The following MYO19 variants were observed in gnomAD, a reference collection of about 807,000 sequenced individuals.
The protein encoded by MYO19 is myosin XIX.
MYO19 carries 132 observed loss-of-function variants against 129.2 expected under a neutral mutation model. The ratio of observed to expected loss-of-function variants is 1.02; its 90% CI spans 0.89 to 1.18. MYO19 has a LOEUF of 1.18. Ranked by LOEUF, MYO19 falls within the 50% of genes most tolerant of loss-of-function variation. The probability of loss-of-function intolerance (pLI) is 0.00; values close to 1 mark genes in which losing one functional copy is unlikely to be tolerated. For synonymous variants in MYO19, 531 were observed against 477.2 expected (o/e 1.11, Z -1.47); for missense variants, 1,210 against 1,216.7 (o/e 0.99, Z 0.08).
upstream of MYO19, chr17:36,537,662 G>C (rs558301588): frequency 3.1e-6 from 5 of 1,614,018 alleles, no homozygotes; most frequent in East Asian, 1.1e-4. Context: ...AGGTCAGGAG[G>C]AGAAAATATA....
At chr17:36,504,924 A>AAG (rs1555571415) in intron 19 of MYO19, 1 of 291,648 alleles carries the variant, frequency 3.4e-6, no homozygotes, top group Non-Finnish European at 6.9e-6. Context: ...AAAAAAAAAA[A>AAG]AAAAAAGAAA....
rs2071938085 is a variant in MYO19, at chr17:36,506,904, T to C, written c.1644+59A>G. 5 of 1,466,884 alleles carry C rather than the reference T, an allele frequency of 3.4e-6. No individual in the cohort carries two copies. In the African/African-American group the frequency reaches 4.2e-5, roughly 12 times the overall value. 90.9% of individuals were successfully genotyped at this position (1,466,884 alleles called of 1,614,324 possible). ...ACGATGGGAAACTACTATGTCTGCA[T>C]AGCAAAGACCCAGCATCTCGTTTCT... On this transcript the variant is annotated intron_variant, in intron 17 of 25. Coordinates refer to ENST00000614623, the MANE Select transcript of MYO19 (RefSeq NM_001163735.2).
At chr17:36,509,255 G>T in intron 13 of MYO19, 120 bp from the exon 14 acceptor site, 1 of 797,608 alleles carries the variant, frequency 1.3e-6, no homozygotes, top group South Asian at 1.5e-5. Flanking sequence ...GAGCCTGACA[G>T]GTCAAAGACC....
At chr17:36,513,370 T>C (rs2072502367) in intron 11 of MYO19, 59 bp downstream of exon 11, 1 of 1,613,538 alleles carries the variant, frequency 6.2e-7, no homozygotes, top group Non-Finnish European at 8.5e-7. Context: ...GGAAAAGCTC[T>C]ATGCAAAGGG....
chr17:36,521,763 T>C (rs2073141560), intron 6 of MYO19, among the ~76,000 whole-genome samples: 2 of 152,152 alleles, frequency 1.3e-5, no homozygotes, highest in African/African-American at 2.4e-5. Context: ...CCAGGCACAG[T>C]GGCTCATACC....
chr17:36,514,501 T>C lies in MYO19; in HGVS notation c.665A>G (p.Lys222Arg). 1 of 1,613,758 alleles carries C rather than the reference T, an allele frequency of 6.2e-7. No homozygotes were observed. The highest frequency in any genetic ancestry group is 8.5e-7 in the Non-Finnish European group (1 of 1,179,690). ...GGAAGCCTGGCAGGCCACTCGAGTT[T>C]TCTCTAGGAGGTAGGTCTGGACTGC... is the stretch of plus-strand genomic sequence containing the variant. Reference protein sequence around the residue: ...GAAVQTYLLEKTRVACQASSE... With the variant: ...GAAVQTYLLERTRVACQASSE... The change falls in exon 9 of 26, where the codon AAA becomes AGA. Residue 222 changes from lysine to arginine, a missense_variant. Lys to Arg is a conservative substitution (Grantham distance 26). Transcript: ENST00000614623.
chr17:36,510,814 G>T lies in MYO19; in HGVS notation c.1089C>A (p.Phe363Leu). The change falls in exon 13 of 26, where the codon TTC becomes TTA. Residue 363 changes from phenylalanine to leucine, a missense_variant. Coordinates refer to ENST00000614623, the MANE Select transcript of MYO19 (RefSeq NM_001163735.2). ...TIRAGRQQQV[F>L]RKPCARAECD... ...ACTCGGCTCGGGCGCAGGGCTTCCG[G>T]AACACCTGCTGCTGTCTGCCTGCCC... The T allele has an allele frequency of 1.3e-6, 2 of 1,595,900 alleles. No individual in the cohort carries two copies. The highest frequency in any genetic ancestry group is 1.7e-6 in the Non-Finnish European group (2 of 1,171,482).
rs1448135680 is a variant in MYO19 at position 36,500,894 on chromosome 17, G to C, written c.2313C>G (p.Gly771=). Residue 771 remains glycine (G), a synonymous_variant, in exon 23 of 26, where the codon GGC becomes GGG. Coordinates refer to ENST00000614623, the MANE Select transcript of MYO19 (RefSeq NM_001163735.2). ...LEQCARCIQG[G]WRRHRHREQE... ...GCTCTCGGTGCCGGTGTCGCCTCCA[G>C]CCACCCTGGATGCAGCGGGCACACT... The C allele has an allele frequency of 3.7e-6, 6 of 1,608,104 alleles. No homozygotes were observed. Among genetic ancestry groups the C allele is most frequent in the Non-Finnish European group, 5.1e-6 (6 of 1,179,228 alleles).
Position 36,506,598 on chromosome 17 carries a change from G to GT in MYO19, c.1654_1655insA (p.Pro552HisfsTer3). On this transcript the variant is annotated frameshift_variant, in exon 18 of 26. Transcript: ENST00000614623. LOFTEE classifies it high-confidence loss of function. Reference sequence around the variant, plus strand: ...CTGCAGGAGCCTGGTCAGCTCAGGTGGGATAGGGTCCTATTGGGAAATGGC... The same window carrying GT: ...CTGCAGGAGCCTGGTCAGCTCAGGTGTGGATAGGGTCCTATTGGGAAATGGC... 6.5e-7 allele frequency: 1 copy of GT among 1,537,204 alleles called. No homozygotes were observed. The highest frequency in any genetic ancestry group is 1.3e-5 in the South Asian group (1 of 77,074).
At chr17:36,506,241 G>T (rs945306000) in intron 18 of MYO19, among the ~76,000 whole-genome samples, 1 of 152,104 alleles carries the variant, frequency 6.6e-6, no homozygotes, top group African/African-American at 2.4e-5. Flanking sequence ...GCCCCCATAG[G>T]CCCCTAGACT....
chr17:36,500,631 G>T (rs2071448973), intron 23 of MYO19, 199 bp downstream of exon 23: 2 of 671,566 alleles, frequency 3.0e-6, no homozygotes, highest in Non-Finnish European at 4.8e-6. Context: ...TTTGTTTGTG[G>T]AGTGACTTGG....
chr17:36,497,661 T>C, intron 25 of MYO19: 1 of 452,908 alleles, frequency 2.2e-6, no homozygotes, highest in African/African-American at 2.1e-5. Context: ...CTCGGCTCAC[T>C]GCAACCTCTC....
upstream of MYO19, chr17:36,537,030 G>C: frequency 7.2e-7 from 1 of 1,384,088 alleles, no homozygotes; most frequent in East Asian, 2.3e-5. Context: ...AATTAAGCCA[G>C]GTATGCTAAT....
upstream of MYO19, chr17:36,537,691 A>C: frequency 1.2e-6 from 2 of 1,614,102 alleles, no homozygotes; most frequent in Non-Finnish European, 1.7e-6. Context: ...TCCAAATTGC[A>C]TTACTTTACA....
At chr17:36,498,605 T>C in intron 24 of MYO19, 46 bp from the exon 25 acceptor site, 1 of 1,528,984 alleles carries the variant, frequency 6.5e-7, no homozygotes, top group Non-Finnish European at 8.8e-7. Context: ...TATCTAGCCC[T>C]CTTAGCAGAA....
chr17:36,526,597 G>A (rs1245150656), intron 5 of MYO19, among the ~76,000 whole-genome samples: 1 of 152,198 alleles, frequency 6.6e-6, no homozygotes, highest in Non-Finnish European at 1.5e-5. Flanking sequence ...TTCCTAAAAA[G>A]GTAGTTTTGC....
At chr17:36,513,363 A>G (rs1392014497) in intron 11 of MYO19, 66 bp downstream of exon 11, 1 of 1,613,462 alleles carries the variant, frequency 6.2e-7, no homozygotes, top group African/African-American at 1.3e-5. Flanking sequence ...AGTCCAGGGA[A>G]AAGCTCTATG....
At position 36,527,533 on chromosome 17, in the gene MYO19, G is replaced by A. The variant is rs991055054; in HGVS notation, c.300+18C>T. The A allele has an allele frequency of 3.1e-6, 5 of 1,610,454 alleles. No homozygotes were observed. The highest frequency in any genetic ancestry group is 1.7e-5 in the Admixed American group (1 of 59,418). On this transcript the variant is annotated intron_variant, in intron 5 of 25. Coordinates refer to ENST00000614623, the MANE Select transcript of MYO19 (RefSeq NM_001163735.2). ...AGGTAGAGGAGCCCTGAGGCCACAG[G>A]CAGCGGCAGAGCCTTACCTGGGGCT...
At position 36,496,398 on chromosome 17, in the gene MYO19, T is replaced by C. The variant is rs1245992556; in HGVS notation, c.2766A>G (p.Ile922Met). ...GTGGAGACTTTCTGCAGTGAAACTT[T>C]ATCGATCCCTAGAGGGGAGAGAGAG... ...TSIRALPQGS[I>M]KFHCRKSPLR... Residue 922 changes from isoleucine (I) to methionine (M), a missense_variant, in exon 26 of 26, where the codon ATA (isoleucine) becomes ATG (methionine). Ile to Met is a conservative substitution (Grantham distance 10). Coordinates refer to ENST00000614623, the MANE Select transcript of MYO19 (RefSeq NM_001163735.2). The C allele has an allele frequency of 1.2e-6, 2 of 1,613,908 alleles. No individual in the cohort carries two copies. Among genetic ancestry groups the C allele is most frequent in the Non-Finnish European group, 1.7e-6 (2 of 1,179,858 alleles).
Sources: gnomAD v4.1 joint callset for allele counts (sites outside exome capture counted in the v4.1 genomes callset) on GRCh38, gnomAD v4.1.1 for gene constraint, MANE v1.5 for transcripts, NCBI Gene and HGNC (gene_info 2026-07-23, HGNC 2026-07-21) for gene names.